Variants in ITPA observed in about 807,000 individuals in gnomAD.
The protein encoded by ITPA is inosine triphosphatase.
A neutral mutation model predicts 29.6 loss-of-function variants in ITPA; 29 were observed. The observed-to-expected ratio is 0.98, with a 90% CI of 0.73 to 1.34. ITPA has a LOEUF of 1.34. Ranked by LOEUF, ITPA falls within the 40% of genes most tolerant of loss-of-function variation. The pLI is 0.00. For synonymous variants in ITPA, 103 were observed against 99.3 expected, an observed-to-expected ratio of 1.04 and a Z score of -0.22; for missense variants, 241 against 251.5, an observed-to-expected ratio of 0.96 and a Z score of 0.28.
chr20:3,216,251 C>G (rs1166374145), intron 5 of ITPA, among the ~76,000 whole-genome samples: 3 of 150,750 alleles, frequency 2.0e-5, no homozygotes, highest in Non-Finnish European at 4.4e-5. Context: ...CCTCCACTTC[C>G]CGGATTCAAG....
chr20:3,213,841 G>A (rs968038704), intron 3 of ITPA, 144 bp from the exon 4 acceptor site: 4 of 840,482 alleles, frequency 4.8e-6, no homozygotes, highest in Non-Finnish European at 8.3e-6. Context: ...TAAGAGATTG[G>A]CCGAGGGCAG....
intron 1 of ITPA, 131 bp from the exon 2 acceptor site, chr20:3,213,038 C>T (rs951875253): frequency 2.9e-5 from 28 of 963,670 alleles, no homozygotes; most frequent in Admixed American, 3.6e-5. Context: ...GGGGTGAGGC[C>T]CACAGGCCTG....
intron 6 of ITPA, chr20:3,218,875 G>T (rs1308982388): frequency 8.7e-6 from 5 of 572,948 alleles, no homozygotes; most frequent in African/African-American, 7.4e-5. Flanking sequence ...GGTGCCCCTG[G>T]GCAGGACAAT....
intron 5 of ITPA, among the ~76,000 whole-genome samples, chr20:3,217,912 T>TTG (rs1357293367): frequency 7.2e-6 from 1 of 139,284 alleles, no homozygotes; most frequent in African/African-American, 2.6e-5. Flanking sequence ...GTGGGTTTTT[T>TTG]TTTGTTTTTG....
At chr20:3,221,194 A>C (rs1361710315) in intron 6 of ITPA, among the ~76,000 whole-genome samples, 5 of 147,930 alleles carry the variant, frequency 3.4e-5, no homozygotes, top group African/African-American at 1.3e-4. Context: ...GCCTGGCCAG[A>C]TTTTCTTTTT....
intron 5 of ITPA, among the ~76,000 whole-genome samples, 189 bp downstream of exon 5, chr20:3,215,501 GGAT>G (rs922246801): frequency 4.6e-5 from 7 of 152,152 alleles, no homozygotes; most frequent in African/African-American, 1.4e-4. Context: ...TGTGGGGGAG[GGAT>G]GATGGGAGCT....
chr20:3,213,047 T>G (rs2067208919), intron 1 of ITPA, 122 bp from the exon 2 acceptor site: 1 of 1,061,632 alleles, frequency 9.4e-7, no homozygotes, highest in East Asian at 2.4e-5. Context: ...CCCACAGGCC[T>G]GAGTTGGTAA....
upstream of ITPA, among the ~76,000 whole-genome samples, chr20:3,206,302 C>A (rs1213311323): frequency 7.0e-6 from 1 of 143,570 alleles, no homozygotes; most frequent in Non-Finnish European, 1.5e-5. Context: ...GCAGGAGAAT[C>A]TCTCGAAGCC....
In ITPA at chr20:3,209,638, G is replaced by T. The variant is rs746420233; in HGVS notation, c.66+21G>T. On this transcript the variant is annotated intron_variant, in intron 1 of 7. Coordinates refer to ENST00000380113, the MANE Select transcript of ITPA (RefSeq NM_033453.4). This position sits in a 1 kb window ranked among gnomAD's most constrained non-coding sequence, Gnocchi z 4.6. ...AGGAGGTGCCGGGAGGGTGTTGGGGGCTAACTGGGAGGCGGCTGGGAATAG... is the reference window on the plus strand; with the variant it reads ...AGGAGGTGCCGGGAGGGTGTTGGGGTCTAACTGGGAGGCGGCTGGGAATAG... The T allele has an allele frequency of 5.6e-6, 9 of 1,610,700 alleles. No individual in the cohort carries two copies. In the South Asian group the frequency reaches 9.9e-5, roughly 18 times the overall value.
chr20:3,219,746 C>CA (rs34376287), intron 6 of ITPA, among the ~76,000 whole-genome samples: 58,104 of 114,950 alleles, frequency 0.51, 14,495 homozygotes, highest in East Asian at 0.63. Flanking sequence ...ACTCCGTCTC[C>CA]AAAAAAAAAA....
At chr20:3,219,558 AAC>A (rs1295534065) in intron 6 of ITPA, among the ~76,000 whole-genome samples, 1 of 151,776 alleles carries the variant, frequency 6.6e-6, no homozygotes, top group Non-Finnish European at 1.5e-5. Flanking sequence ...CAGCCTGGAT[AAC>A]ACAGCAAAAC....
intron 1 of ITPA, among the ~76,000 whole-genome samples, chr20:3,211,218 T>A (rs942675507): frequency 3.4e-5 from 5 of 148,950 alleles, no homozygotes; most frequent in African/African-American, 5.0e-5. Context: ...CAGGCTGGAG[T>A]GCAGTGGTGC....
At position 3,218,727 on chromosome 20, in the gene ITPA, G is replaced by A. The variant is rs2422861; in HGVS notation, c.411+95G>A. The A allele has an allele frequency of 0.87, 812,560 of 932,454 alleles. 354,686 individuals carry two copies. The highest frequency in any genetic ancestry group is 1 in the East Asian group (39,114 of 39,132). The allele number at this position is 932,454 out of a possible 1,614,324, so 57.8% of individuals were successfully genotyped here. On this transcript the variant is annotated intron_variant, in intron 6 of 7. Coordinates refer to ENST00000380113, the MANE Select transcript of ITPA (RefSeq NM_033453.4). ...CCGAGTCTGCGGGAGGGTGGTGGGA[G>A]GGGCGCCTTGGGGCCAGAGATATCT...
At position 3,223,528 on chromosome 20, in the gene ITPA, A is replaced by G; in HGVS notation, c.*66A>G. ...GGAGGGCTAGCCCAAAACCTCCCGCATCGGGCAGGCACCCCCTGAAGTACT... is the reference window on the plus strand; with the variant it reads ...GGAGGGCTAGCCCAAAACCTCCCGCGTCGGGCAGGCACCCCCTGAAGTACT... On this transcript the variant is annotated 3_prime_UTR_variant, in exon 8 of 8. Coordinates refer to ENST00000380113, the MANE Select transcript of ITPA (RefSeq NM_033453.4). The G allele has an allele frequency of 8.1e-7, 1 of 1,240,842 alleles. No individual in the cohort carries two copies. 76.9% of individuals were successfully genotyped at this position (1,240,842 alleles called of 1,614,324 possible). A position where few individuals can be genotyped will look rare whatever the true frequency, so the allele number is the denominator to read the frequency against.
At chr20:3,210,497 A>T (rs1421554137) in intron 1 of ITPA, among the ~76,000 whole-genome samples, 1 of 152,148 alleles carries the variant, frequency 6.6e-6, no homozygotes, top group Non-Finnish European at 1.5e-5. Context: ...GATCAGGATG[A>T]CACCCACTGG....
In ITPA at chr20:3,223,786, T is replaced by C. The variant is rs1010729429; in HGVS notation, c.*324T>C. On this transcript the variant is annotated 3_prime_UTR_variant, in exon 8 of 8. Transcript: ENST00000380113. ...GAGGAACCATGCAAATCGCCTTCCATGGTTTTTAAATGCAGTAAATAACAT... is the reference window on the plus strand; with the variant it reads ...GAGGAACCATGCAAATCGCCTTCCACGGTTTTTAAATGCAGTAAATAACAT... 2 of 411,450 alleles carry C rather than the reference T, an allele frequency of 4.9e-6. No individual in the cohort carries two copies. The highest frequency in any genetic ancestry group is 5.0e-5 in the East Asian group (1 of 20,042). 25.5% of individuals were successfully genotyped at this position (411,450 alleles called of 1,614,324 possible).
downstream of ITPA, among the ~76,000 whole-genome samples, chr20:3,225,161 C>A (rs2067541747): frequency 6.6e-6 from 1 of 152,090 alleles, no homozygotes; most frequent in Admixed American, 6.5e-5. Flanking sequence ...CGTGATTGCG[C>A]CACTGCACTC....
At position 3,209,618 on chromosome 20, in the gene ITPA, G is replaced by A. The variant is rs778268058; in HGVS notation, c.66+1G>A. 1 of 1,613,962 alleles carries A rather than the reference G, an allele frequency of 6.2e-7. No individual in the cohort carries two copies. The highest frequency in any genetic ancestry group is 8.5e-7 in the Non-Finnish European group (1 of 1,179,928). ...GGGGAACGCCAAGAAGCTGGAGGAG[G>A]TGCCGGGAGGGTGTTGGGGGCTAAC... On this transcript the variant is annotated splice_donor_variant, in intron 1 of 7. Transcript: ENST00000380113. LOFTEE classifies it high-confidence loss of function. The surrounding 1 kb of genome is among the most constrained non-coding windows in gnomAD (Gnocchi z 4.6).
upstream of ITPA, among the ~76,000 whole-genome samples, chr20:3,206,904 C>T (rs561422413): frequency 9.2e-5 from 14 of 151,622 alleles, no homozygotes; most frequent in African/African-American, 3.4e-4. Flanking sequence ...GTCCCAGCTA[C>T]TCAGGAGGCT....
Sources: gnomAD v4.1 joint callset for allele counts (sites outside exome capture counted in the v4.1 genomes callset) on GRCh38, gnomAD v4.1.1 for gene constraint, Gnocchi (gnomAD v3.1) non-coding constraint, MANE v1.5 for transcripts, NCBI Gene and HGNC (gene_info 2026-07-23, HGNC 2026-07-21) for gene names.